MMP26: variants seen among roughly 807,000 people sequenced by gnomAD.
MMP26 encodes matrix metallopeptidase 26, also known as matrix metalloproteinase-26.
In MMP26, 33 loss-of-function variants were observed where a neutral mutation model predicts 31.0. That is an observed-to-expected ratio of 1.06 (90% CI 0.81 to 1.42). The LOEUF is 1.42. Ranked by LOEUF, MMP26 falls within the 40% of genes most tolerant of loss-of-function variation. The pLI, the probability that MMP26 is intolerant of heterozygous loss-of-function variation, is 0.00. For missense variants in MMP26, 347 were observed against 316.1 expected, an observed-to-expected ratio of 1.10 and a Z score of -0.74; for synonymous variants, 122 against 114.9, an observed-to-expected ratio of 1.06 and a Z score of -0.40.
intron 2 of MMP26, among the ~76,000 whole-genome samples, chr11:4,792,608 G>T (rs1849043484): frequency 6.6e-6 from 1 of 152,130 alleles, no homozygotes; most frequent in African/African-American, 2.4e-5. Flanking sequence ...TCAGTAGAAT[G>T]CACTACTTAT....
intron 1 of MMP26, among the ~76,000 whole-genome samples, chr11:4,748,402 C>T (rs79491826): frequency 0.02 from 3,037 of 151,876 alleles, 57 homozygotes; most frequent in Middle Eastern, 0.058. Flanking sequence ...TAAAACTGTT[C>T]CAAAAAATCA....
At chr11:4,804,480 G>C (rs371889612) in intron 2 of MMP26, 1 of 901,340 alleles carries the variant, frequency 1.1e-6, no homozygotes, top group African/African-American at 1.6e-5. Context: ...TTTTGGATGG[G>C]ACTATTGGAT....
intron 2 of MMP26, among the ~76,000 whole-genome samples, chr11:4,967,016 T>C (rs1846604811): frequency 6.6e-6 from 1 of 152,162 alleles, no homozygotes; most frequent in Admixed American, 6.6e-5. Flanking sequence ...GGTGATTTGG[T>C]AAATTTCTGA....
At chr11:4,844,159 GA>G (rs1849835032) in intron 2 of MMP26, among the ~76,000 whole-genome samples, 1 of 152,052 alleles carries the variant, frequency 6.6e-6, no homozygotes, top group African/African-American at 2.4e-5. Context: ...CAATAAATTA[GA>G]AAATCTAGAA....
At chr11:4,901,711 T>C (rs1293142847) in intron 2 of MMP26, among the ~76,000 whole-genome samples, 1 of 152,180 alleles carries the variant, frequency 6.6e-6, no homozygotes, top group Non-Finnish European at 1.5e-5. Context: ...ACTTCTCTAA[T>C]GTTTAAGATT....
chr11:4,825,528 TC>T (rs1412771647), intron 2 of MMP26, among the ~76,000 whole-genome samples: 6 of 152,140 alleles, frequency 3.9e-5, no homozygotes, highest in African/African-American at 1.4e-4. Context: ...TCTGATTAGC[TC>T]TTATTTCAAG....
intron 1 of MMP26, among the ~76,000 whole-genome samples, chr11:4,734,721 T>C (rs941240523): frequency 6.6e-6 from 1 of 152,260 alleles, no homozygotes; most frequent in African/African-American, 2.4e-5. Flanking sequence ...TCTAACTTAA[T>C]TCCCCTGTGT....
At chr11:4,765,039 A>G (rs1419945848) in intron 1 of MMP26, among the ~76,000 whole-genome samples, 1 of 152,154 alleles carries the variant, frequency 6.6e-6, no homozygotes, top group Admixed American at 6.5e-5. Context: ...TTGTCTCAAG[A>G]TTTGGTTGCT....
chr11:4,882,375 T>G, intron 2 of MMP26: 1 of 1,613,984 alleles, frequency 6.2e-7, no homozygotes, highest in African/African-American at 1.3e-5. Context: ...GTTTTCTTAC[T>G]TCCCCTTCTT....
rs543853489 is a variant in MMP26 at position 4,968,789 on chromosome 11, C to T, written c.-144-19279C>T. Among the ~76,000 whole-genome samples the T allele has an allele frequency of 4.6e-5, 7 of 152,068 alleles. No individual in the cohort carries two copies. In the South Asian group the frequency reaches 1.2e-3, roughly 27 times the overall value. On this transcript the variant is annotated intron_variant, in intron 2 of 7. Coordinates refer to ENST00000380390, the MANE Select transcript of MMP26 (RefSeq NM_021801.5). ...AAATAAATCCACTTACATATTTAGT[C>T]AACTTGACCACACATAAAATTCCTC...
intron 2 of MMP26, among the ~76,000 whole-genome samples, chr11:4,905,629 CT>C (rs1850874853): frequency 6.6e-6 from 1 of 151,946 alleles, no homozygotes; most frequent in Admixed American, 6.6e-5. Flanking sequence ...CTACCTTCAT[CT>C]TTTGTATTTT....
intron 2 of MMP26, among the ~76,000 whole-genome samples, chr11:4,871,288 G>A (rs73403102): frequency 0.031 from 4,659 of 152,148 alleles, 236 homozygotes; most frequent in African/African-American, 0.11. Context: ...ATTGTAGACC[G>A]CAATGTTGAG....
chr11:4,976,796 C>T (rs1257894447), intron 2 of MMP26, among the ~76,000 whole-genome samples: 1 of 152,040 alleles, frequency 6.6e-6, no homozygotes, highest in East Asian at 1.9e-4. Flanking sequence ...TGAAGGTTAA[C>T]ATCCTATGAG....
At chr11:4,955,468 A>C in intron 2 of MMP26, 2 of 1,261,602 alleles carry the variant, frequency 1.6e-6, no homozygotes, top group Non-Finnish European at 2.2e-6. Context: ...TGCTTAACAC[A>C]GTGGGCAGAG....
At chr11:4,888,040 G>T (rs902973485) in intron 2 of MMP26, among the ~76,000 whole-genome samples, 3 of 152,038 alleles carry the variant, frequency 2.0e-5, no homozygotes, top group African/African-American at 7.2e-5. Context: ...AGAATATTTT[G>T]CCATATAAAA....
intron 1 of MMP26, among the ~76,000 whole-genome samples, chr11:4,765,534 T>TGC (rs1848618128): frequency 6.6e-6 from 1 of 152,202 alleles, no homozygotes; most frequent in Admixed American, 6.5e-5. Flanking sequence ...CACACCAACT[T>TGC]GCTTGTTAAG....
rs777091753 is a variant in MMP26, at chr11:4,992,113, C to A, written c.745C>A (p.Gln249Lys). The A allele has an allele frequency of 1.2e-6, 2 of 1,613,234 alleles. No individual in the cohort carries two copies. Among genetic ancestry groups the A allele is most frequent in the East Asian group, 2.2e-5 (1 of 44,842 alleles). ...CAGTGCCGATGATATCCAAAGGATC[C>A]AGCATTTGTATGGTCTGTGCTGCTT... ...QLSADDIQRI[Q>K]HLYGEKCSSD... The change falls in exon 7 of 8, where the codon CAG (glutamine) becomes AAG (lysine). Residue 249 changes from glutamine to lysine, a missense_variant. By Grantham distance (53) the Gln-to-Lys change is moderately conservative. Transcript: ENST00000380390.
intron 2 of MMP26, among the ~76,000 whole-genome samples, chr11:4,947,783 A>G (rs1359105816): frequency 1.6e-5 from 2 of 125,530 alleles, no homozygotes; most frequent in Non-Finnish European, 3.6e-5. Flanking sequence ...ATCTACAGAG[A>G]TGGTTGATAC....
intron 2 of MMP26, among the ~76,000 whole-genome samples, chr11:4,924,778 A>G (rs995028006): frequency 6.6e-6 from 1 of 152,194 alleles, no homozygotes; most frequent in African/African-American, 2.4e-5. Context: ...AAAATCTGAA[A>G]TCACCAGGAA....
Sources: allele counts gnomAD v4.1 joint callset (sites outside exome capture counted in the v4.1 genomes callset), GRCh38; gene constraint gnomAD v4.1.1; transcripts MANE v1.5; gene names NCBI Gene and HGNC (gene_info 2026-07-23, HGNC 2026-07-21).